Variants in ZNF888 observed in about 807,000 individuals in gnomAD.
The protein encoded by ZNF888 is CTD-2331H12.6.
In ZNF888, 5 loss-of-function variants were observed where a neutral mutation model predicts 7.2. That is an observed-to-expected ratio of 0.70 (90% CI 0.36 to 1.46). The LOEUF (loss-of-function observed/expected upper bound fraction) is 1.46. ZNF888 is among the 40% of genes most tolerant of loss of function. The pLI, the probability that ZNF888 is intolerant of heterozygous loss-of-function variation, is 0.03. For synonymous variants in ZNF888, 240 were observed against 284.3 expected (o/e 0.84, Z 1.57); for missense variants, 716 against 858.0 (o/e 0.83, Z 2.07).
intron 4 of ZNF888, among the ~76,000 whole-genome samples, chr19:52,914,786 C>T (rs1023018440): frequency 1.3e-5 from 2 of 152,122 alleles, no homozygotes; most frequent in Admixed American, 1.3e-4. Flanking sequence ...CTTTCCTCAG[C>T]CTTTCTAGGA....
chr19:52,915,838 A>G (rs1940674426), intron 3 of ZNF888, among the ~76,000 whole-genome samples: 1 of 152,292 alleles, frequency 6.6e-6, no homozygotes, highest in African/African-American at 2.4e-5. Context: ...TGAATTTCTT[A>G]TGTTTGTAAA....
At chr19:52,911,532 G>A (rs1407311530) in intron 4 of ZNF888, among the ~76,000 whole-genome samples, 2 of 151,322 alleles carry the variant, frequency 1.3e-5, no homozygotes, top group Non-Finnish European at 2.9e-5. Context: ...TAGAGACGGG[G>A]TTTCACCATG....
chr19:52,911,361 C>A (rs1368454557), intron 4 of ZNF888, among the ~76,000 whole-genome samples: 3 of 144,556 alleles, frequency 2.1e-5, no homozygotes, highest in East Asian at 2.1e-4. Flanking sequence ...TTTTTTGAGA[C>A]GGAGTCTTGC....
intron 1 of ZNF888, among the ~76,000 whole-genome samples, chr19:52,923,112 C>G (rs936918572): frequency 2.0e-5 from 3 of 152,076 alleles, no homozygotes; most frequent in African/African-American, 7.2e-5. Context: ...AGTCAACAAA[C>G]GGTTGTGAAC....
intron 4 of ZNF888, among the ~76,000 whole-genome samples, chr19:52,913,356 A>ACT (rs973178427): frequency 8.6e-6 from 1 of 116,836 alleles, no homozygotes; most frequent in Non-Finnish European, 1.6e-5. Context: ...ATGGAGTCTC[A>ACT]CTCTGTCACC....
chr19:52,911,271 C>T (rs896543924), intron 4 of ZNF888, among the ~76,000 whole-genome samples: 3 of 152,046 alleles, frequency 2.0e-5, no homozygotes, highest in East Asian at 1.9e-4. Context: ...CCTTGGTCTC[C>T]GAAAGTGCTG....
chr19:52,914,409 C>CT (rs1403126952), intron 4 of ZNF888: 24 of 906,858 alleles, frequency 2.6e-5, no homozygotes, highest in Non-Finnish European at 2.9e-5. Context: ...TCAGAGACTC[C>CT]TACTTATAAA....
At chr19:52,913,617 C>A in intron 4 of ZNF888, 1 of 707,758 alleles carries the variant, frequency 1.4e-6, no homozygotes, top group Non-Finnish European at 1.7e-6. Context: ...AGCCACTGTA[C>A]CCGGCCAGGT....
rs1261485908 is a variant in ZNF888 at position 52,904,644 on chromosome 19, A to C, written c.*1521T>G. On this transcript the variant is annotated 3_prime_UTR_variant, in exon 5 of 5. Transcript: ENST00000638862. ...GCAGGGAGTTTCACAATGTTCTTCTATACAATGTCTGGAATCTATGAATAA... is the reference window on the plus strand; with the variant it reads ...GCAGGGAGTTTCACAATGTTCTTCTCTACAATGTCTGGAATCTATGAATAA... 2 of 152,234 alleles carry C rather than the reference A, an allele frequency of 1.3e-5. No homozygotes were observed. Among genetic ancestry groups the C allele is most frequent in the Non-Finnish European group, 2.9e-5 (2 of 68,052 alleles). 9.4% of individuals were successfully genotyped at this position (152,234 alleles called of 1,614,324 possible).
Position 52,919,325 on chromosome 19 carries a change from G to A in ZNF888, c.-177-388C>T, listed in dbSNP as rs1414179814. Among the ~76,000 whole-genome samples the A allele has an allele frequency of 2.8e-4, 18 of 63,748 alleles. 6 individuals carry two copies. The highest frequency in any genetic ancestry group is 8.8e-4 in the African/African-American group (18 of 20,440). 41.8% of individuals were successfully genotyped at this position (63,748 alleles called of 152,430 possible). The stretch of plus-strand genomic sequence containing the variant: ...TGCGATTGCGGGCGCGCGCCGCCAC[G>A]CCTGACTGGTTTTCATGTTTTTTTT... On this transcript the variant is annotated intron_variant, in intron 1 of 4. Transcript: ENST00000638862.
intron 4 of ZNF888, among the ~76,000 whole-genome samples, chr19:52,912,357 C>T (rs2064695002): frequency 6.6e-6 from 1 of 150,918 alleles, no homozygotes; most frequent in South Asian, 2.1e-4. Context: ...TCGTGATCCG[C>T]CCCCCTCGGC....
chr19:52,906,777 A>G lies in ZNF888; in HGVS notation c.1545T>C (p.Ile515=), dbSNP rs1327303860. ...ACTTGTAAGGTTTCTCTCCAGTGTG[A>G]ATTACAGTATGTTGTGCCAGGTGTG... ...RDSHLAQHTV[I]HTGEKPYKCN... Residue 515 remains isoleucine (I), a synonymous_variant, in exon 5 of 5, where the codon ATT becomes ATC. Transcript: ENST00000638862. 1 of 1,611,702 alleles carries G rather than the reference A, an allele frequency of 6.2e-7. No individual in the cohort carries two copies. The highest frequency in any genetic ancestry group is 8.5e-7 in the Non-Finnish European group (1 of 1,178,152).
rs1191621530 is a variant in ZNF888, at chr19:52,920,489, CAAAAAAAAAAAAA to C, written c.-177-1565_-177-1553del. On this transcript the variant is annotated intron_variant, in intron 1 of 4. Coordinates refer to ENST00000638862, the MANE Select transcript of ZNF888 (RefSeq NM_001393938.1). ...GCTTTGTTAAACAGATGCTTGAAGG[CAAAAAAAAAAAAA>C]AAAAAAAAAAAAAAGAAAAAAAAAG... Among the ~76,000 whole-genome samples the C allele has an allele frequency of 2.9e-4, 2 of 6,868 alleles. 1 individual carries two copies. Among genetic ancestry groups the C allele is most frequent in the Non-Finnish European group, 6.2e-4 (2 of 3,248 alleles). The allele number at this position is 6,868 out of a possible 152,430, so 4.5% of individuals were successfully genotyped here. A position where few individuals can be genotyped will look rare whatever the true frequency, so the allele number is the denominator to read the frequency against.
At chr19:52,909,628 C>A (rs1458273908) in intron 4 of ZNF888, among the ~76,000 whole-genome samples, 3 of 152,014 alleles carry the variant, frequency 2.0e-5, no homozygotes, top group East Asian at 3.9e-4. Context: ...ATCATAAAAT[C>A]AATTAATAAA....
intron 4 of ZNF888, among the ~76,000 whole-genome samples, chr19:52,910,826 T>C (rs561568430): frequency 2.0e-4 from 30 of 152,326 alleles, no homozygotes; most frequent in African/African-American, 5.3e-4. Flanking sequence ...GTCTTTGAGA[T>C]TGAGTCATGC....
intron 3 of ZNF888, among the ~76,000 whole-genome samples, chr19:52,916,605 T>TATACATATATATGTATTATATAC (rs2064752100): frequency 1.9e-5 from 1 of 53,580 alleles, no homozygotes; most frequent in Non-Finnish European, 3.6e-5. Context: ...TATACATACA[T>TATACATATATATGTATTATATAC]ATACATATAC....
Position 52,907,545 on chromosome 19 carries a change from G to A in ZNF888, c.777C>T (p.His259=), listed in dbSNP as rs2064625304. 2.5e-6 allele frequency: 4 copies of A among 1,609,420 alleles called. No individual in the cohort carries two copies. The highest frequency in any genetic ancestry group is 2.2e-5 in the South Asian group (2 of 90,254). ...TCTCACCAGTGTGACATCTACGATG[G>A]TGTGCAAGGTATCGCTTCTGATTAA... ...KDFNQKRYLA[H]HRRCHTGEKP... is the part of the protein sequence containing the mutation. Residue 259 remains histidine, a synonymous_variant, in exon 5 of 5, where the codon CAC becomes CAT. Transcript: ENST00000638862.
chr19:52,906,665 T>G lies in ZNF888; in HGVS notation c.1657A>C (p.Asn553His). Residue 553 changes from asparagine to histidine, a missense_variant, in exon 5 of 5, where the codon AAT becomes CAT. Physicochemically the swap from Asn to His is moderately conservative, Grantham distance 68. Coordinates refer to ENST00000638862, the MANE Select transcript of ZNF888 (RefSeq NM_001393938.1). Reference protein sequence around the residue: ...IHTGEKRYKCNECGKSFNHKS... With the variant: ...IHTGEKRYKCHECGKSFNHKS... Reference sequence around the variant, plus strand: ...TGATTAAAACTTTTGCCACATTCATTACACTTGTAACGTTTCTCTCCAGTA... The same window carrying G: ...TGATTAAAACTTTTGCCACATTCATGACACTTGTAACGTTTCTCTCCAGTA... 6.2e-7 allele frequency: 1 copy of G among 1,613,934 alleles called. No individual in the cohort carries two copies. The highest frequency in any genetic ancestry group is 1.3e-5 in the African/African-American group (1 of 75,046).
rs138628675 is a variant in ZNF888, at chr19:52,908,647, G to A, written c.143-468C>T. On this transcript the variant is annotated intron_variant, in intron 4 of 4. Coordinates refer to ENST00000638862, the MANE Select transcript of ZNF888 (RefSeq NM_001393938.1). ...GATAACCAAAATCAATGGAAATCCT[G>A]TACTGTCAAACCATCACAGCACAGA... 4.4e-3 allele frequency among the ~76,000 whole-genome samples: 665 copies of A among 152,244 alleles called. 7 individuals carry two copies. The highest frequency in any genetic ancestry group is 0.014 in the African/African-American group (580 of 41,550).
Sources: gnomAD v4.1 joint callset for allele counts (sites outside exome capture counted in the v4.1 genomes callset) on GRCh38, gnomAD v4.1.1 for gene constraint, MANE v1.5 for transcripts, NCBI Gene and HGNC (gene_info 2026-07-23, HGNC 2026-07-21) for gene names.